The following ADRA1B variants were observed in gnomAD, a reference collection of about 807,000 sequenced individuals.
ADRA1B encodes adrenoceptor alpha 1B.
Under a neutral mutation model 17.9 loss-of-function variants are expected in ADRA1B, and 17 were observed. The ratio of observed to expected loss-of-function variants is 0.95; its 90% CI spans 0.65 to 1.42. The LOEUF is 1.42. Among genes scored for constraint, ADRA1B ranks in the 40% most tolerant of loss-of-function variants. The probability of loss-of-function intolerance (pLI) is 0.00; values close to 1 mark genes in which losing one functional copy is unlikely to be tolerated. For missense variants in ADRA1B, 681 were observed against 722.1 expected (o/e 0.94, Z 0.65); for synonymous variants, 366 against 327.6 (o/e 1.12, Z -1.27).
intron 1 of ADRA1B, among the ~76,000 whole-genome samples, chr5:159,954,167 G>C (rs1755505206): frequency 6.6e-6 from 1 of 152,200 alleles, no homozygotes; most frequent in Non-Finnish European, 1.5e-5. Context: ...TCCATGCTTG[G>C]TGTCTGAATC....
intron 1 of ADRA1B, among the ~76,000 whole-genome samples, chr5:159,883,995 G>A (rs1753895368): frequency 6.6e-6 from 1 of 152,190 alleles, no homozygotes; most frequent in South Asian, 2.1e-4. Flanking sequence ...TTGACCAGTG[G>A]ATGAGGGGTT....
chr5:159,918,224 G>A lies in ADRA1B; in HGVS notation c.949+370G>A, dbSNP rs539878265. Among the ~76,000 whole-genome samples, 7 of 152,320 alleles carry A rather than the reference G, an allele frequency of 4.6e-5. No homozygotes were observed. The South Asian group carries it at 1.2e-3, about 27-fold the overall frequency. ...TGTCGGCTAAGGCAGCGTCACTAAT[G>A]CAGCATACAAAATAGTTTGTAGTTA... On this transcript the variant is annotated intron_variant, in intron 1 of 1. Coordinates refer to ENST00000306675, the MANE Select transcript of ADRA1B (RefSeq NM_000679.4).
chr5:159,952,514 C>T (rs917087558), intron 1 of ADRA1B, among the ~76,000 whole-genome samples: 8 of 152,260 alleles, frequency 5.3e-5, no homozygotes, highest in African/African-American at 1.9e-4. Context: ...CCTGCCTCAC[C>T]AGGTTAAAAC....
chr5:159,877,929 C>T (rs556042320), intron 1 of ADRA1B, among the ~76,000 whole-genome samples: 3 of 152,310 alleles, frequency 2.0e-5, no homozygotes, highest in African/African-American at 7.2e-5. Context: ...AAATCCACTT[C>T]CTGATTCTTC....
At chr5:159,952,995 T>A (rs1755475159) in intron 1 of ADRA1B, among the ~76,000 whole-genome samples, 1 of 152,208 alleles carries the variant, frequency 6.6e-6, no homozygotes. Context: ...TGCTATTTCC[T>A]GCCCTTCCAG....
At chr5:159,887,544 G>A (rs1411408380) in intron 1 of ADRA1B, among the ~76,000 whole-genome samples, 1 of 152,146 alleles carries the variant, frequency 6.6e-6, no homozygotes, top group Non-Finnish European at 1.5e-5. Context: ...TGTTTGACAT[G>A]ATTTTGAGGA....
rs1754320840 is a variant in ADRA1B at position 159,916,753 on chromosome 5, G to A, written c.-153G>A. 3 of 689,670 alleles carry A rather than the reference G, an allele frequency of 4.3e-6. No homozygotes were observed. The highest frequency in any genetic ancestry group is 5.9e-5 in the Admixed American group (2 of 33,960). The allele number at this position is 689,670 out of a possible 1,614,324, so 42.7% of individuals were successfully genotyped here. A position where few individuals can be genotyped will look rare whatever the true frequency, so the allele number is the denominator to read the frequency against. The stretch of plus-strand genomic sequence containing the variant: ...GGTGCAGGCAGGAGACGTGCTGCCG[G>A]GCTGGGCTGCCCGGGGGAGATGACT... On this transcript the variant is annotated 5_prime_UTR_variant, in exon 1 of 2. Transcript: ENST00000306675.
chr5:159,920,395 G>C (rs1754446627), intron 1 of ADRA1B, among the ~76,000 whole-genome samples: 1 of 152,112 alleles, frequency 6.6e-6, no homozygotes, highest in African/African-American at 2.4e-5. Context: ...TCTCCTTTCT[G>C]TCTGTGCCTT....
At chr5:159,944,972 G>A (rs975913020) in intron 1 of ADRA1B, among the ~76,000 whole-genome samples, 1 of 152,196 alleles carries the variant, frequency 6.6e-6, no homozygotes, top group South Asian at 2.1e-4. Flanking sequence ...ATAATTGCAG[G>A]TACTATAGAG....
chr5:159,915,926 G>A (rs1380842696), upstream of ADRA1B, among the ~76,000 whole-genome samples: 1 of 152,190 alleles, frequency 6.6e-6, no homozygotes, highest in East Asian at 1.9e-4. Context: ...AGAGAGTGGA[G>A]ACTCCGTAAG....
intron 1 of ADRA1B, among the ~76,000 whole-genome samples, chr5:159,957,604 T>C (rs570165724): frequency 1.3e-5 from 2 of 152,226 alleles, no homozygotes; most frequent in East Asian, 1.9e-4. Context: ...TAGTTTTCTA[T>C]TGAGTTTTCT....
chr5:159,987,728 G>A, the ADRA1B span, among the ~76,000 whole-genome samples: 2 of 152,192 alleles, frequency 1.3e-5, no homozygotes, highest in Admixed American at 1.3e-4. Flanking sequence ...GGGAATCTGG[G>A]AGCTCTCTAA....
At chr5:159,963,733 C>T (rs532578742) in intron 1 of ADRA1B, among the ~76,000 whole-genome samples, 27 of 152,272 alleles carry the variant, frequency 1.8e-4, no homozygotes, top group African/African-American at 5.8e-4. Context: ...CTCAGGTTCA[C>T]GGAGTGTTGA....
At chr5:159,940,646 C>T (rs1266743207) in intron 1 of ADRA1B, among the ~76,000 whole-genome samples, 2 of 152,108 alleles carry the variant, frequency 1.3e-5, no homozygotes, top group Admixed American at 6.6e-5. Context: ...TAAGAAGGAT[C>T]ATTAAATAAC....
intron 1 of ADRA1B, chr5:159,947,834 G>C: frequency 1.0e-6 from 1 of 985,388 alleles, no homozygotes; most frequent in Non-Finnish European, 1.2e-6. Flanking sequence ...CATATTATCC[G>C]TTATTGAGAA....
intron 1 of ADRA1B, among the ~76,000 whole-genome samples, chr5:159,968,157 T>C (rs577552890): frequency 2.0e-5 from 3 of 152,098 alleles, no homozygotes; most frequent in Admixed American, 6.5e-5. Flanking sequence ...AATGGACATA[T>C]AGCAAGTTAA....
At chr5:159,930,771 A>C (rs1279048003) in intron 1 of ADRA1B, among the ~76,000 whole-genome samples, 1 of 151,936 alleles carries the variant, frequency 6.6e-6, no homozygotes, top group Non-Finnish European at 1.5e-5. Flanking sequence ...TAGCTTTTTT[A>C]TAACCTCTGT....
At chr5:159,872,497 TC>T (rs1753756710) in intron 1 of ADRA1B, among the ~76,000 whole-genome samples, 1 of 152,114 alleles carries the variant, frequency 6.6e-6, no homozygotes, top group South Asian at 2.1e-4. Flanking sequence ...ACTATTATTA[TC>T]CCCATTTTAC....
the ADRA1B span, among the ~76,000 whole-genome samples, chr5:159,981,828 G>A: frequency 6.6e-6 from 1 of 152,156 alleles, no homozygotes; most frequent in Non-Finnish European, 1.5e-5. Flanking sequence ...GCTAATTTGG[G>A]GCTGGGCACG....
Sources: gnomAD v4.1 joint callset for allele counts (sites outside exome capture counted in the v4.1 genomes callset) on GRCh38, gnomAD v4.1.1 for gene constraint, MANE v1.5 for transcripts, NCBI Gene and HGNC (gene_info 2026-07-23, HGNC 2026-07-21) for gene names.